The following GNAT1 variants were observed in gnomAD, a reference collection of about 807,000 sequenced individuals.
GNAT1 encodes the protein guanine nucleotide-binding protein G(t) subunit alpha-1.
GNAT1 carries 36 observed loss-of-function variants against 40.0 expected under a neutral mutation model. The observed-to-expected ratio is 0.90, with a 90% CI of 0.69 to 1.19. The LOEUF (loss-of-function observed/expected upper bound fraction) is 1.19. Among genes scored for constraint, GNAT1 ranks in the 50% most tolerant of loss-of-function variants. GNAT1 has a pLI of 0.00. For synonymous variants in GNAT1, 195 were observed against 192.9 expected (o/e 1.01, Z -0.09); for missense variants, 413 against 480.6 (o/e 0.86, Z 1.32).
At position 50,194,222 on chromosome 3, in the gene GNAT1, G is replaced by A. The variant is rs369127057; in HGVS notation, c.708+1G>A. On this transcript the variant is annotated splice_donor_variant, in intron 6 of 8. Transcript: ENST00000232461. LOFTEE classifies it high-confidence loss of function. The surrounding 1 kb of genome is among the most constrained non-coding windows in gnomAD (Gnocchi z 6.1). ...GGTGCTAGTGGAGGACGACGAAGTGGTGCGTGCCAGGCAGGGCCTGTGTTC... is the reference window on the plus strand; with the variant it reads ...GGTGCTAGTGGAGGACGACGAAGTGATGCGTGCCAGGCAGGGCCTGTGTTC... The A allele has an allele frequency of 8.1e-6, 13 of 1,605,050 alleles. No individual in the cohort carries two copies. The highest frequency in any genetic ancestry group is 1.0e-5 in the Non-Finnish European group (12 of 1,175,772).
Position 50,195,268 on chromosome 3 carries a change from G to A in GNAT1, c.*2G>A. Reference sequence around the variant, plus strand: ...TGCTGACTGGGTTTCCTTTTCACAGGTGCCTGAATTCATGCGTGTCAGTCA... The same window carrying A: ...TGCTGACTGGGTTTCCTTTTCACAGATGCCTGAATTCATGCGTGTCAGTCA... On this transcript the variant is annotated splice_region_variant and 3_prime_UTR_variant, in exon 9 of 9. Transcript: ENST00000232461. 2.2e-6 allele frequency: 1 copy of A among 446,980 alleles called. No homozygotes were observed. Among genetic ancestry groups the A allele is most frequent in the Non-Finnish European group, 4.2e-6 (1 of 240,186 alleles). The allele number at this position is 446,980 out of a possible 1,614,324, so 27.7% of individuals were successfully genotyped here.
chr3:50,194,603 T>G lies in GNAT1; in HGVS notation c.811T>G (p.Phe271Val). The G allele has an allele frequency of 1.9e-6, 3 of 1,613,706 alleles. No homozygotes were observed. Among genetic ancestry groups the G allele is most frequent in the Non-Finnish European group, 2.5e-6 (3 of 1,179,770 alleles). The change falls in exon 7 of 9, where the codon TTC becomes GTC. Residue 271 changes from phenylalanine (F) to valine (V), a missense_variant. Physicochemically the swap from Phe to Val is conservative, Grantham distance 50. Transcript: ENST00000232461. The surrounding 1 kb of genome is among the most constrained non-coding windows in gnomAD (Gnocchi z 6.1). The part of the protein sequence containing the change: ...VLFLNKKDVF[F>V]EKIKKAHLSI... ...CTTCCTTAACAAGAAGGACGTCTTC[T>G]TCGAGAAGATCAAGAAGGCGCACCT...
chr3:50,194,820 C>T lies in GNAT1; in HGVS notation c.918C>T (p.Leu306=). ...GNYIKVQFLE[L]NMRRDVKEIY... is the part of the protein sequence containing the mutation. ...ACATCAAGGTGCAGTTCCTCGAGCTCAACATGCGGCGCGACGTGAAGGAGA... is the reference window on the plus strand; with the variant it reads ...ACATCAAGGTGCAGTTCCTCGAGCTTAACATGCGGCGCGACGTGAAGGAGA... The change falls in exon 8 of 9, where the codon CTC becomes CTT. Residue 306 remains leucine (L), a synonymous_variant. Transcript: ENST00000232461. The surrounding 1 kb of genome is among the most constrained non-coding windows in gnomAD (Gnocchi z 6.1). 1 of 1,613,976 alleles carries T rather than the reference C, an allele frequency of 6.2e-7. No homozygotes were observed. The highest frequency in any genetic ancestry group is 1.1e-5 in the South Asian group (1 of 91,088).
rs1294369482 is a variant in GNAT1, at chr3:50,193,702, G to T, written c.449+39G>T. ...CAGCGCGGGGCGCGGGGCGCGGGGC[G>T]CAGGGGGCCCTCCACGCCTCCCCAC... On this transcript the variant is annotated intron_variant, in intron 4 of 8. Coordinates refer to ENST00000232461, the MANE Select transcript of GNAT1 (RefSeq NM_144499.3). This position sits in a 1 kb window ranked among gnomAD's most constrained non-coding sequence, Gnocchi z 8.1. 3 of 1,600,610 alleles carry T rather than the reference G, an allele frequency of 1.9e-6. No individual in the cohort carries two copies. Among genetic ancestry groups the T allele is most frequent in the Non-Finnish European group, 2.6e-6 (3 of 1,174,346 alleles).
chr3:50,192,655 C>T, intron 1 of GNAT1: 1 of 253,028 alleles, frequency 4.0e-6, no homozygotes, highest in Non-Finnish European at 7.8e-6. Flanking sequence ...GATGTCAACT[C>T]TGCCCTCCCT....
chr3:50,194,899 G>A lies in GNAT1; in HGVS notation c.997G>A (p.Asp333Asn). 2 of 1,613,838 alleles carry A rather than the reference G, an allele frequency of 1.2e-6. No homozygotes were observed. The highest frequency in any genetic ancestry group is 1.1e-5 in the South Asian group (1 of 91,068). The change falls in exon 8 of 9, where the codon GAC becomes AAC. Residue 333 changes from aspartate (D) to asparagine (N), a missense_variant. Transcript: ENST00000232461. This position sits in a 1 kb window ranked among gnomAD's most constrained non-coding sequence, Gnocchi z 6.1. Reference protein sequence around the residue: ...TDTQNVKFVFDAVTDIIIKEN... With the variant: ...TDTQNVKFVFNAVTDIIIKEN... Reference sequence around the variant, plus strand: ...CACGCAGAACGTCAAATTTGTCTTCGACGCTGTCACCGACATCATCATCAA... The same window carrying A: ...CACGCAGAACGTCAAATTTGTCTTCAACGCTGTCACCGACATCATCATCAA...
intron 1 of GNAT1, among the ~76,000 whole-genome samples, chr3:50,192,379 G>A (rs1175613571): frequency 6.6e-6 from 1 of 152,162 alleles, no homozygotes; most frequent in East Asian, 1.9e-4. Context: ...CTGAGGCCCA[G>A]TGGGAGTAGA....
Position 50,193,122 on chromosome 3 carries a change from G to A in GNAT1, c.107-11G>A, listed in dbSNP as rs745833016. 1.2e-6 allele frequency: 2 copies of A among 1,613,668 alleles called. No individual in the cohort carries two copies. Among genetic ancestry groups the A allele is most frequent in the South Asian group, 1.1e-5 (1 of 91,082 alleles). Reference sequence around the variant, plus strand: ...GGTCAGCGCAGCTCTGAGGCGCCGCGTCTCTTTCAGGTGCCGGTGAGTCCG... The same window carrying A: ...GGTCAGCGCAGCTCTGAGGCGCCGCATCTCTTTCAGGTGCCGGTGAGTCCG... On this transcript the variant is annotated splice_polypyrimidine_tract_variant and intron_variant, in intron 1 of 8. Coordinates refer to ENST00000232461, the MANE Select transcript of GNAT1 (RefSeq NM_144499.3). The surrounding 1 kb of genome is among the most constrained non-coding windows in gnomAD (Gnocchi z 8.1).
intron 1 of GNAT1, chr3:50,192,898 G>A (rs1385081869): frequency 3.3e-6 from 2 of 606,878 alleles, no homozygotes; most frequent in Non-Finnish European, 5.9e-6. Flanking sequence ...AGGTCGTTGA[G>A]TCCCCTCGTT....
Position 50,193,814 on chromosome 3 carries a change from C to T in GNAT1, c.511C>T (p.Leu171=). Reference sequence around the variant, plus strand: ...CTACGTGCCCACCGAGCAGGACGTGCTGCGCTCGCGAGTCAAGACCACTGG... The same window carrying T: ...CTACGTGCCCACCGAGCAGGACGTGTTGCGCTCGCGAGTCAAGACCACTGG... The part of the protein sequence containing the change: ...PGYVPTEQDV[L]RSRVKTTGII... Residue 171 remains leucine, a synonymous_variant, in exon 5 of 9, where the codon CTG becomes TTG. Transcript: ENST00000232461. The surrounding 1 kb of genome is among the most constrained non-coding windows in gnomAD (Gnocchi z 8.1). 6.2e-7 allele frequency: 1 copy of T among 1,613,092 alleles called. No homozygotes were observed. The highest frequency in any genetic ancestry group is 1.1e-5 in the South Asian group (1 of 91,088).
In GNAT1 at chr3:50,194,123, C is replaced by A. The variant is rs777846284; in HGVS notation, c.610C>A (p.Arg204Ser). 1.2e-6 allele frequency: 2 copies of A among 1,613,926 alleles called. No individual in the cohort carries two copies. Among genetic ancestry groups the A allele is most frequent in the East Asian group, 4.5e-5 (2 of 44,874 alleles). Reference sequence around the variant, plus strand: ...CGATGTGGGCGGGCAGCGCTCGGAGCGCAAGAAGTGGATCCACTGCTTCGA... The same window carrying A: ...CGATGTGGGCGGGCAGCGCTCGGAGAGCAAGAAGTGGATCCACTGCTTCGA... ...MFDVGGQRSE[R>S]KKWIHCFEGV... Residue 204 changes from arginine (R) to serine (S), a missense_variant, in exon 6 of 9, where the codon CGC (arginine) becomes AGC (serine). Arg to Ser is a moderately radical substitution (Grantham distance 110, BLOSUM62 -1). Transcript: ENST00000232461. The surrounding 1 kb of genome is among the most constrained non-coding windows in gnomAD (Gnocchi z 6.1).
rs1219121764 is a variant in GNAT1 at position 50,194,791 on chromosome 3, A to G, written c.889A>G (p.Asn297Asp). The G allele has an allele frequency of 6.2e-7, 1 of 1,613,712 alleles. No homozygotes were observed. The highest frequency in any genetic ancestry group is 1.3e-5 in the African/African-American group (1 of 74,884). Residue 297 changes from asparagine (N) to aspartate (D), a missense_variant, in exon 8 of 9, where the codon AAC (asparagine) becomes GAC (aspartate). Physicochemically the swap from Asn to Asp is conservative, Grantham distance 23 (BLOSUM62 1). Coordinates refer to ENST00000232461, the MANE Select transcript of GNAT1 (RefSeq NM_144499.3). The surrounding 1 kb of genome is among the most constrained non-coding windows in gnomAD (Gnocchi z 6.1). ...ACCCAACACCTACGAGGACGCCGGC[A>G]ACTACATCAAGGTGCAGTTCCTCGA... ...DGPNTYEDAG[N>D]YIKVQFLELN...
chr3:50,196,914 GGA>G lies in GNAT1; in HGVS notation c.*1652_*1653del, dbSNP rs1699511630. On this transcript the variant is annotated 3_prime_UTR_variant, in exon 9 of 9. Coordinates refer to ENST00000232461, the MANE Select transcript of GNAT1 (RefSeq NM_144499.3). ...GGCCTGGGCTTTCTCAGAAGGTGATGGAGAGTCTTGGAAGCCCTCGAGGCAGG... is the reference window on the plus strand; with the variant it reads ...GGCCTGGGCTTTCTCAGAAGGTGATGGAGTCTTGGAAGCCCTCGAGGCAGG... 1.3e-5 allele frequency among the ~76,000 whole-genome samples: 2 copies of G among 152,170 alleles called. No homozygotes were observed. Among genetic ancestry groups the G allele is most frequent in the Non-Finnish European group, 2.9e-5 (2 of 68,042 alleles).
At position 50,193,699 on chromosome 3, in the gene GNAT1, G is replaced by T; in HGVS notation, c.449+36G>T. The T allele has an allele frequency of 6.2e-7, 1 of 1,600,626 alleles. No homozygotes were observed. Among genetic ancestry groups the T allele is most frequent in the Non-Finnish European group, 8.5e-7 (1 of 1,174,120 alleles). Reference sequence around the variant, plus strand: ...GGGCAGCGCGGGGCGCGGGGCGCGGGGCGCAGGGGGCCCTCCACGCCTCCC... The same window carrying T: ...GGGCAGCGCGGGGCGCGGGGCGCGGTGCGCAGGGGGCCCTCCACGCCTCCC... On this transcript the variant is annotated intron_variant, in intron 4 of 8. Coordinates refer to ENST00000232461, the MANE Select transcript of GNAT1 (RefSeq NM_144499.3). The surrounding 1 kb of genome is among the most constrained non-coding windows in gnomAD (Gnocchi z 8.1).
intron 1 of GNAT1, chr3:50,192,550 G>A: frequency 5.4e-6 from 1 of 184,198 alleles, no homozygotes; most frequent in South Asian, 1.0e-4. Flanking sequence ...GTGGGTGAGG[G>A]ACCAAGCCAG....
chr3:50,192,727 A>G, intron 1 of GNAT1: 1 of 358,820 alleles, frequency 2.8e-6, no homozygotes, highest in East Asian at 6.9e-5. Flanking sequence ...CTTCAGGTGA[A>G]ATGCAAGGGG....
chr3:50,194,349 G>A lies in GNAT1; in HGVS notation c.708+128G>A, dbSNP rs556391910. 4.3e-6 allele frequency: 6 copies of A among 1,398,556 alleles called. No homozygotes were observed. The East Asian group carries it at 1.2e-4, about 29-fold the overall frequency. 86.6% of individuals were successfully genotyped at this position (1,398,556 alleles called of 1,614,324 possible). On this transcript the variant is annotated intron_variant, in intron 6 of 8. Transcript: ENST00000232461. This position sits in a 1 kb window ranked among gnomAD's most constrained non-coding sequence, Gnocchi z 6.1. ...TGCCTGTCCCGGGCGGCCTGAGGAG[G>A]CCCGGAGGCGTTCAGCAGGCCCATC... is the stretch of plus-strand genomic sequence containing the variant.
rs767133469 is a variant in GNAT1 at position 50,193,822 on chromosome 3, G to C, written c.519G>C (p.Ser173=). Residue 173 remains serine, a synonymous_variant, in exon 5 of 9, where the codon TCG becomes TCC. Transcript: ENST00000232461. This position sits in a 1 kb window ranked among gnomAD's most constrained non-coding sequence, Gnocchi z 8.1. ...CCACCGAGCAGGACGTGCTGCGCTC[G>C]CGAGTCAAGACCACTGGCATCATCG... The part of the protein sequence containing the change: ...YVPTEQDVLR[S]RVKTTGIIET... The C allele has an allele frequency of 9.3e-6, 15 of 1,613,068 alleles. No homozygotes were observed. The highest frequency in any genetic ancestry group is 1.3e-5 in the African/African-American group (1 of 75,048).
Position 50,193,995 on chromosome 3 carries a change from G to A in GNAT1, c.579-97G>A. 6.2e-7 allele frequency: 1 copy of A among 1,602,752 alleles called. No homozygotes were observed. Among genetic ancestry groups the A allele is most frequent in the Non-Finnish European group, 8.5e-7 (1 of 1,170,296 alleles). The stretch of plus-strand genomic sequence containing the variant: ...CCCTGATACCCCGCCAGCAGAAAGG[G>A]TGGTAGTCCCGGCCGAGAGCTCCCC... On this transcript the variant is annotated intron_variant, in intron 5 of 8. Transcript: ENST00000232461. The surrounding 1 kb of genome is among the most constrained non-coding windows in gnomAD (Gnocchi z 8.1).
Sources: gnomAD v4.1 joint callset for allele counts (sites outside exome capture counted in the v4.1 genomes callset) on GRCh38, gnomAD v4.1.1 for gene constraint, Gnocchi (gnomAD v3.1) non-coding constraint, MANE v1.5 for transcripts, NCBI Gene and HGNC (gene_info 2026-07-23, HGNC 2026-07-21) for gene names.